CIMIP2A: variants seen among roughly 807,000 people sequenced by gnomAD.
CIMIP2A encodes the protein ciliary microtubule inner protein 2A, also known as family with sequence similarity 166 member A.
the CIMIP2A span, among the ~76,000 whole-genome samples, chr9:137,248,363 T>C: frequency 6.6e-6 from 1 of 150,872 alleles, no homozygotes; most frequent in Non-Finnish European, 1.5e-5. Context: ...ACTGACATAG[T>C]CAAATCCCGT....
At chr9:137,252,693 GC>G in the CIMIP2A span, 1 of 1,550,914 alleles carries the variant, frequency 6.4e-7, no homozygotes, top group Admixed American at 2.0e-5. Flanking sequence ...CAGCTGCTCA[GC>G]CGGCCCGCCT....
the CIMIP2A span, chr9:137,245,803 C>G: frequency 6.6e-7 from 1 of 1,519,122 alleles, no homozygotes; most frequent in Non-Finnish European, 8.8e-7. Context: ...CGTGGTACGC[C>G]CATAGGTGTT....
At chr9:137,245,578 G>C in the CIMIP2A span, 4 of 1,613,726 alleles carry the variant, frequency 2.5e-6, no homozygotes, top group South Asian at 1.1e-5. Flanking sequence ...AGGGCAGCCT[G>C]TGAGTGCCGG....
the CIMIP2A span, chr9:137,244,834 C>T: frequency 6.4e-7 from 1 of 1,570,272 alleles, no homozygotes; most frequent in African/African-American, 1.3e-5. Context: ...CCAGGCAAGG[C>T]TCCCTTTCGT....
At chr9:137,251,137 G>C in the CIMIP2A span, 4 of 675,122 alleles carry the variant, frequency 5.9e-6, no homozygotes, top group Middle Eastern at 4.0e-4. Context: ...TCTAGTTAGT[G>C]GGGGAGGGGC....
At chr9:137,245,883 G>A in the CIMIP2A span, 2 of 1,472,202 alleles carry the variant, frequency 1.4e-6, no homozygotes, top group East Asian at 2.3e-5. Flanking sequence ...AGGCAGGGCA[G>A]GTCTCAAGGG....
the CIMIP2A span, chr9:137,251,873 C>G: frequency 6.2e-7 from 1 of 1,608,728 alleles, no homozygotes; most frequent in East Asian, 2.2e-5. Flanking sequence ...TGCCCACCTA[C>G]ACCCAGACCC....
chr9:137,243,863 G>A, the CIMIP2A span: 1 of 1,501,688 alleles, frequency 6.7e-7, no homozygotes, highest in Non-Finnish European at 9.3e-7. Flanking sequence ...CCAGGCTTCA[G>A]AGAAGTGTGG....
the CIMIP2A span, chr9:137,247,672 T>C: frequency 6.2e-6 from 10 of 1,612,874 alleles, no homozygotes; most frequent in Admixed American, 1.2e-4. Context: ...AGGGACATAG[T>C]GAGGCTCCGG....
the CIMIP2A span, chr9:137,252,903 G>A: frequency 4.4e-6 from 7 of 1,597,924 alleles, no homozygotes; most frequent in Non-Finnish European, 6.0e-6. Flanking sequence ...CGCCTGCAGA[G>A]CCCCCGCTCG....
At chr9:137,245,335 G>C in the CIMIP2A span, 3 of 1,599,746 alleles carry the variant, frequency 1.9e-6, 1 homozygote, top group African/African-American at 2.7e-5. Flanking sequence ...CTCGCAAACA[G>C]GAGTGGCGCT....
chr9:137,246,122 T>G, the CIMIP2A span, among the ~76,000 whole-genome samples: 1 of 152,158 alleles, frequency 6.6e-6, no homozygotes, highest in South Asian at 2.1e-4. Flanking sequence ...TACCAGCCCC[T>G]CCAACCCTCT....
chr9:137,253,673 T>C, the CIMIP2A span, among the ~76,000 whole-genome samples: 6 of 152,136 alleles, frequency 3.9e-5, no homozygotes, highest in Admixed American at 3.9e-4. Flanking sequence ...GGAGGTGGGC[T>C]CTGTGGGACA....
chr9:137,244,895 A>G, the CIMIP2A span: 56 of 1,579,930 alleles, frequency 3.5e-5, no homozygotes, highest in Non-Finnish European at 2.8e-5. Context: ...ACAGGCAGGC[A>G]AGGCACCGCC....
At chr9:137,247,311 G>A in the CIMIP2A span, among the ~76,000 whole-genome samples, 4 of 152,208 alleles carry the variant, frequency 2.6e-5, no homozygotes, top group Admixed American at 2.6e-4. Context: ...AAAATGAAAT[G>A]AAGTGTGGAG....
chr9:137,244,793 C>T, the CIMIP2A span: 1 of 1,592,080 alleles, frequency 6.3e-7, no homozygotes, highest in Non-Finnish European at 8.6e-7. Context: ...CCCCTGGGCA[C>T]ACCCACCTGC....
chr9:137,243,875 G>T, the CIMIP2A span: 4 of 1,406,462 alleles, frequency 2.8e-6, no homozygotes, highest in Non-Finnish European at 4.0e-6. Flanking sequence ...GAAGTGTGGG[G>T]CTGCCCTGGG....
chr9:137,251,633 G>A, the CIMIP2A span: 3 of 1,401,108 alleles, frequency 2.1e-6, no homozygotes, highest in South Asian at 2.7e-5. Flanking sequence ...GGGGCACGTG[G>A]CTGGGAGCAG....
the CIMIP2A span, chr9:137,251,326 A>G: frequency 1.9e-6 from 3 of 1,613,800 alleles, no homozygotes; most frequent in South Asian, 2.2e-5. Context: ...ATTCCTGGCA[A>G]ATTTTTACAT....
Sources: allele counts gnomAD v4.1 joint callset (sites outside exome capture counted in the v4.1 genomes callset), GRCh38; gene constraint gnomAD v4.1.1; transcripts MANE v1.5; gene names NCBI Gene and HGNC (gene_info 2026-07-23, HGNC 2026-07-21).